The following MAML2 variants were observed in gnomAD, a reference collection of about 807,000 sequenced individuals.
The protein encoded by MAML2 is mastermind like transcriptional coactivator 2.
In MAML2, 22 loss-of-function variants were observed where a neutral mutation model predicts 96.1. The ratio of observed to expected loss-of-function variants is 0.23; its 90% confidence interval spans 0.16 to 0.33. The LOEUF (loss-of-function observed/expected upper bound fraction) is 0.33, where lower values mean the gene tolerates loss of function less well. Ranked by LOEUF, MAML2 falls within the 10% of genes least tolerant of loss-of-function variation. MAML2 has a pLI of 1.00. For missense variants in MAML2, 1,367 were observed against 1,392.4 expected (o/e 0.98, Z 0.29); for synonymous variants, 561 against 521.3 (o/e 1.08, Z -1.04).
intron 2 of MAML2, among the ~76,000 whole-genome samples, chr11:96,049,023 T>A (rs553874450): frequency 2.6e-5 from 4 of 152,216 alleles, no homozygotes; most frequent in African/African-American, 9.6e-5. Flanking sequence ...GGAAGAGCTA[T>A]TAAACTTTCC....
chr11:96,092,868 C>A lies in MAML2; in HGVS notation c.1163G>T (p.Gly388Val). 1 of 1,605,678 alleles carries A rather than the reference C, an allele frequency of 6.2e-7. No homozygotes were observed. The highest frequency in any genetic ancestry group is 1.3e-5 in the African/African-American group (1 of 74,936). ...GSPQLRPPSA[G>V]PAFSMANSAL... The stretch of plus-strand genomic sequence containing the variant: ...AGAGTTGGCCATGGAGAATGCGGGG[C>A]CAGCTGATGGGGGCCTCAGCTGAGG... The change falls in exon 2 of 5, where the codon GGC (glycine) becomes GTC (valine). Residue 388 changes from glycine to valine, a missense_variant. Coordinates refer to ENST00000524717, the MANE Select transcript of MAML2 (RefSeq NM_032427.4). The surrounding 1 kb of genome is among the most constrained non-coding windows in gnomAD (Gnocchi z 4.1).
At chr11:96,241,484 G>A (rs1862437245) in intron 1 of MAML2, among the ~76,000 whole-genome samples, 1 of 152,196 alleles carries the variant, frequency 6.6e-6, no homozygotes, top group African/African-American at 2.4e-5. Flanking sequence ...CTGGAGGGAG[G>A]GGTCTACTGG....
intron 1 of MAML2, among the ~76,000 whole-genome samples, chr11:96,138,847 G>T (rs763586046): frequency 2.0e-5 from 3 of 152,160 alleles, no homozygotes; most frequent in Non-Finnish European, 4.4e-5. Context: ...ATCTGGCTGA[G>T]TCCCTTACTT....
At chr11:95,984,569 C>T (rs376154389) in intron 4 of MAML2, among the ~76,000 whole-genome samples, 6 of 152,168 alleles carry the variant, frequency 3.9e-5, no homozygotes, top group African/African-American at 1.2e-4. Context: ...ACTACAGGCA[C>T]GTGCGACTGA....
In MAML2 at chr11:96,341,526, G is replaced by T; in HGVS notation, c.370C>A (p.Pro124Thr). The T allele has an allele frequency of 6.4e-7, 1 of 1,551,510 alleles. No homozygotes were observed. The highest frequency in any genetic ancestry group is 2.4e-5 in the East Asian group (1 of 40,896). Reference sequence around the variant, plus strand: ...TGGTGATAGTCTGGTGGGGGCGGTGGGGCTGCTGTTGCTGCTGCTTGGGAG... The same window carrying T: ...TGGTGATAGTCTGGTGGGGGCGGTGTGGCTGCTGTTGCTGCTGCTTGGGAG... ...AASQAAATAAPPPPPDYHHHH... is the reference protein window; with the variant it reads ...AASQAAATAATPPPPDYHHHH... The change falls in exon 1 of 5, where the codon CCA becomes ACA. Residue 124 changes from proline (P) to threonine (T), a missense_variant. Coordinates refer to ENST00000524717, the MANE Select transcript of MAML2 (RefSeq NM_032427.4).
At chr11:96,074,543 C>G (rs1403521652) in intron 2 of MAML2, among the ~76,000 whole-genome samples, 1 of 152,176 alleles carries the variant, frequency 6.6e-6, no homozygotes, top group Non-Finnish European at 1.5e-5. Flanking sequence ...AGGAAAGATC[C>G]ATGGTCAGTC....
rs1862373126 is a variant in MAML2, at chr11:96,236,835, C to T, written c.513+104548G>A. On this transcript the variant is annotated intron_variant, in intron 1 of 4. Transcript: ENST00000524717. ...AAATATCTATGGTATACTGAGCTCT[C>T]TGCCTTTACCACATATTATATAGTT... 2.0e-5 allele frequency among the ~76,000 whole-genome samples: 3 copies of T among 152,176 alleles called. 1 individual carries two copies. In the South Asian group the frequency reaches 6.2e-4, roughly 32 times the overall value.
At chr11:96,243,662 T>G (rs1288183894) in intron 1 of MAML2, among the ~76,000 whole-genome samples, 2 of 150,866 alleles carry the variant, frequency 1.3e-5, no homozygotes, top group Non-Finnish European at 3.0e-5. Flanking sequence ...TTTCTTTTTT[T>G]TTTTTTTTTG....
chr11:96,104,811 G>C (rs1332372594), intron 1 of MAML2, among the ~76,000 whole-genome samples: 2 of 151,900 alleles, frequency 1.3e-5, no homozygotes, highest in Non-Finnish European at 2.9e-5. Context: ...AGGAGAAGGG[G>C]AGAGGAAGAA....
intron 1 of MAML2, among the ~76,000 whole-genome samples, chr11:96,190,838 G>A (rs1299100871): frequency 2.6e-5 from 4 of 152,106 alleles, no homozygotes; most frequent in Non-Finnish European, 5.9e-5. Flanking sequence ...TTTTACTGAG[G>A]GCCTATTGTG....
At chr11:96,043,270 C>G (rs945988629) in intron 2 of MAML2, among the ~76,000 whole-genome samples, 7 of 152,188 alleles carry the variant, frequency 4.6e-5, no homozygotes, top group African/African-American at 1.7e-4. Flanking sequence ...GCAAAATTTG[C>G]TTCCTGTCCC....
chr11:96,294,600 T>C (rs769720611), intron 1 of MAML2, among the ~76,000 whole-genome samples: 7 of 152,216 alleles, frequency 4.6e-5, no homozygotes, highest in Non-Finnish European at 8.8e-5. Context: ...GTTAGTGGTA[T>C]AGTAAACAAA....
Position 96,187,686 on chromosome 11 carries a change from C to T in MAML2, c.514-94169G>A, listed in dbSNP as rs531864911. Among the ~76,000 whole-genome samples the T allele has an allele frequency of 5.5e-4, 84 of 151,464 alleles. 2 individuals carry two copies. In the South Asian group the frequency reaches 8.2e-3, roughly 15 times the overall value. Reference sequence around the variant, plus strand: ...GCATGTGACTGGAACCCCAGCTACTCGGGAGGCTGAGGCAGGAGAATCGCT... The same window carrying T: ...GCATGTGACTGGAACCCCAGCTACTTGGGAGGCTGAGGCAGGAGAATCGCT... On this transcript the variant is annotated intron_variant, in intron 1 of 4. Transcript: ENST00000524717.
intron 2 of MAML2, among the ~76,000 whole-genome samples, chr11:96,042,187 A>G (rs1858825284): frequency 6.6e-6 from 1 of 152,174 alleles, no homozygotes; most frequent in Non-Finnish European, 1.5e-5. Flanking sequence ...CGTGTTAGCC[A>G]GGATGGTCTC....
intron 1 of MAML2, among the ~76,000 whole-genome samples, chr11:96,190,075 T>C (rs983956489): frequency 6.6e-6 from 1 of 152,236 alleles, no homozygotes; most frequent in South Asian, 2.1e-4. Context: ...AAAGCCAACA[T>C]GGATGAAGAC....
intron 1 of MAML2, among the ~76,000 whole-genome samples, chr11:96,253,480 A>G (rs182204854): frequency 4.2e-4 from 64 of 152,298 alleles, no homozygotes; most frequent in African/African-American, 1.5e-3. Context: ...AAAACAGAAT[A>G]TCTCCCATGC....
chr11:96,025,611 T>C (rs930945272), intron 2 of MAML2, among the ~76,000 whole-genome samples: 4 of 152,230 alleles, frequency 2.6e-5, no homozygotes, highest in African/African-American at 4.8e-5. Flanking sequence ...TGGAGTGCAA[T>C]GGCACAATCT....
rs7104452 is a variant in MAML2, at chr11:95,987,883, G to A, written c.2344-2241C>T. Among the ~76,000 whole-genome samples the A allele has an allele frequency of 8.4e-3, 1,275 of 152,244 alleles. 20 individuals are homozygous for A. Among genetic ancestry groups the A allele is most frequent in the African/African-American group, 0.029 (1,203 of 41,542 alleles). On this transcript the variant is annotated intron_variant, in intron 3 of 4. Coordinates refer to ENST00000524717, the MANE Select transcript of MAML2 (RefSeq NM_032427.4). ...TACAAATTAAGGGAAAAAGTGGTTG[G>A]TGAAATGCTCTTTGGTTTTGCCCAA... is the stretch of plus-strand genomic sequence containing the variant.
At chr11:96,194,723 G>C (rs149630305) in intron 1 of MAML2, among the ~76,000 whole-genome samples, 87 of 152,212 alleles carry the variant, frequency 5.7e-4, no homozygotes, top group Middle Eastern at 3.4e-3. Flanking sequence ...GAAAAATGTT[G>C]CTATAGGGCT....
Sources: allele counts gnomAD v4.1 joint callset (sites outside exome capture counted in the v4.1 genomes callset), GRCh38; gene constraint gnomAD v4.1.1; non-coding constraint Gnocchi (gnomAD v3.1); transcripts MANE v1.5; gene names NCBI Gene and HGNC (gene_info 2026-07-23, HGNC 2026-07-21).